The following NKAIN2 variants were observed in gnomAD, a reference collection of about 807,000 sequenced individuals.
The protein encoded by NKAIN2 is sodium/potassium transporting ATPase interacting 2.
In NKAIN2, 14 loss-of-function variants were observed where a neutral mutation model predicts 32.6. The observed-to-expected ratio is 0.43, with a 90% CI of 0.28 to 0.67. The LOEUF (loss-of-function observed/expected upper bound fraction) is 0.67. NKAIN2 is among the 30% of genes least tolerant of loss of function. The pLI is 0.17. For synonymous variants in NKAIN2, 80 were observed against 87.2 expected (o/e 0.92, Z 0.46); for missense variants, 198 against 258.3 (o/e 0.77, Z 1.60).
intron 1 of NKAIN2, among the ~76,000 whole-genome samples, chr6:123,831,889 C>G (rs4897542): frequency 0.058 from 8,844 of 151,978 alleles, 370 homozygotes; most frequent in African/African-American, 0.12. Context: ...CTCCTGACCT[C>G]GTGATCCGCC....
intron 2 of NKAIN2, among the ~76,000 whole-genome samples, chr6:124,336,328 AGGCTT>A (rs1442060022): frequency 6.6e-6 from 1 of 152,184 alleles, no homozygotes; most frequent in Non-Finnish European, 1.5e-5. Context: ...AATTTGGGGT[AGGCTT>A]GTTACAAATT....
chr6:123,818,214 G>A (rs532324977), intron 1 of NKAIN2, among the ~76,000 whole-genome samples: 50 of 152,208 alleles, frequency 3.3e-4, no homozygotes, highest in African/African-American at 1.2e-3. Context: ...GGACAAACAC[G>A]TATTTCTGAA....
intron 3 of NKAIN2, among the ~76,000 whole-genome samples, chr6:124,378,745 GC>G (rs1238537543): frequency 6.6e-6 from 1 of 151,948 alleles, no homozygotes; most frequent in Non-Finnish European, 1.5e-5. Flanking sequence ...TGAGGCAGCT[GC>G]AATTTCCATG....
intron 2 of NKAIN2, among the ~76,000 whole-genome samples, chr6:124,290,882 A>G (rs554999964): frequency 1.3e-5 from 2 of 152,104 alleles, no homozygotes; most frequent in African/African-American, 2.4e-5. Context: ...TTTTAATGCA[A>G]TGTTCTTCTT....
At chr6:123,975,950 A>G (rs1473111259) in intron 1 of NKAIN2, among the ~76,000 whole-genome samples, 1 of 151,932 alleles carries the variant, frequency 6.6e-6, no homozygotes, top group Non-Finnish European at 1.5e-5. Context: ...GAGGTAATTG[A>G]ATCATGTGGG....
intron 1 of NKAIN2, among the ~76,000 whole-genome samples, chr6:123,894,528 G>A (rs946681565): frequency 6.6e-6 from 1 of 152,110 alleles, no homozygotes; most frequent in Non-Finnish European, 1.5e-5. Flanking sequence ...AACCTGAGAA[G>A]CATTCAAGGA....
At chr6:124,727,034 C>A (rs1431741875) in intron 4 of NKAIN2, among the ~76,000 whole-genome samples, 2 of 151,646 alleles carry the variant, frequency 1.3e-5, no homozygotes, top group African/African-American at 2.4e-5. Context: ...ATGAGCAAAG[C>A]CTCCAAGAAA....
intron 3 of NKAIN2, among the ~76,000 whole-genome samples, chr6:124,517,891 TC>T (rs1778974049): frequency 6.6e-6 from 1 of 152,142 alleles, no homozygotes; most frequent in South Asian, 2.1e-4. Flanking sequence ...CATAAAGCTT[TC>T]TAGGAGATGT....
At chr6:124,235,991 C>G (rs1294840383) in intron 1 of NKAIN2, among the ~76,000 whole-genome samples, 2 of 151,856 alleles carry the variant, frequency 1.3e-5, no homozygotes, top group Non-Finnish European at 2.9e-5. Flanking sequence ...AAAACCATAA[C>G]AGAGGCAGAA....
At chr6:124,474,851 A>T (rs1777123639) in intron 3 of NKAIN2, among the ~76,000 whole-genome samples, 1 of 100,538 alleles carries the variant, frequency 9.9e-6, no homozygotes, top group East Asian at 2.7e-4. Context: ...TATAATATAT[A>T]CATATATATT....
At chr6:124,201,813 A>T (rs1375467522) in intron 1 of NKAIN2, among the ~76,000 whole-genome samples, 1 of 152,014 alleles carries the variant, frequency 6.6e-6, no homozygotes, top group Non-Finnish European at 1.5e-5. Context: ...GATTATGAAA[A>T]TGTTCTCACT....
chr6:123,883,746 T>C (rs1773577030), intron 1 of NKAIN2, among the ~76,000 whole-genome samples: 1 of 150,656 alleles, frequency 6.6e-6, no homozygotes, highest in African/African-American at 2.4e-5. Flanking sequence ...TACCTCTTTT[T>C]TAAAAAAAAT....
Position 124,228,523 on chromosome 6 carries a change from C to G in NKAIN2, c.55-54482C>G, listed in dbSNP as rs1444416906. Reference sequence around the variant, plus strand: ...TCTCCAAAGCCCCATCTTCAAATACCATCACACTGGGGGTTAGGGATTCAA... The same window carrying G: ...TCTCCAAAGCCCCATCTTCAAATACGATCACACTGGGGGTTAGGGATTCAA... On this transcript the variant is annotated intron_variant, in intron 1 of 6. Transcript: ENST00000368417. Among the ~76,000 whole-genome samples, 2 of 152,096 alleles carry G rather than the reference C, an allele frequency of 1.3e-5. 1 individual carries two copies. The highest frequency in any genetic ancestry group is 1.3e-4 in the Admixed American group (2 of 15,256).
chr6:124,720,074 A>C (rs1241818593), intron 4 of NKAIN2, among the ~76,000 whole-genome samples: 3 of 152,132 alleles, frequency 2.0e-5, no homozygotes, highest in Non-Finnish European at 4.4e-5. Flanking sequence ...CCTAGCAATC[A>C]AGATTCATGC....
intron 3 of NKAIN2, among the ~76,000 whole-genome samples, chr6:124,383,215 T>C (rs1488034655): frequency 6.6e-6 from 1 of 152,134 alleles, no homozygotes; most frequent in African/African-American, 2.4e-5. Flanking sequence ...AGAAATAATA[T>C]CCATCCTCAC....
At chr6:124,736,528 T>C (rs1776949426) in intron 4 of NKAIN2, among the ~76,000 whole-genome samples, 1 of 151,950 alleles carries the variant, frequency 6.6e-6, no homozygotes, top group South Asian at 2.1e-4. Flanking sequence ...CTTCAAATGA[T>C]AGGCTGACTC....
rs537465152 is a variant in NKAIN2, at chr6:124,498,844, G to A, written c.273+143497G>A. Among the ~76,000 whole-genome samples the A allele has an allele frequency of 5.9e-5, 9 of 152,172 alleles. No individual in the cohort carries two copies. In the East Asian group the frequency reaches 1.7e-3, roughly 29 times the overall value. ...TAAAGTCATTTCGTTGTCCACTAAA[G>A]TTCTGCTAAAACATATTATTCTTAA... On this transcript the variant is annotated intron_variant, in intron 3 of 6. Coordinates refer to ENST00000368417, the MANE Select transcript of NKAIN2 (RefSeq NM_001040214.3).
chr6:124,070,137 A>G (rs1356516433), intron 1 of NKAIN2, among the ~76,000 whole-genome samples: 1 of 152,118 alleles, frequency 6.6e-6, no homozygotes, highest in Non-Finnish European at 1.5e-5. Flanking sequence ...CTTCTCATCT[A>G]TAGCAGTCAC....
intron 3 of NKAIN2, among the ~76,000 whole-genome samples, chr6:124,360,332 T>C (rs575358161): frequency 4.5e-4 from 68 of 152,104 alleles, no homozygotes; most frequent in Non-Finnish European, 8.4e-4. Context: ...GATTAGGCTG[T>C]CTTTTCTGCT....
Sources: gnomAD v4.1 joint callset for allele counts (sites outside exome capture counted in the v4.1 genomes callset) on GRCh38, gnomAD v4.1.1 for gene constraint, MANE v1.5 for transcripts, NCBI Gene and HGNC (gene_info 2026-07-23, HGNC 2026-07-21) for gene names.